IST1: variants seen among roughly 807,000 people sequenced by gnomAD.
IST1 encodes the protein IST1 factor associated with ESCRT-III, also known as IST1 homolog.
Under a neutral mutation model 37.0 loss-of-function variants are expected in IST1, and 23 were observed. The ratio of observed to expected loss-of-function variants is 0.62; its 90% CI spans 0.45 to 0.88. The LOEUF (loss-of-function observed/expected upper bound fraction) is 0.88, where lower values mean the gene tolerates loss of function less well. Among genes scored for constraint, IST1 ranks in the 40% least tolerant of loss-of-function variants. The probability of loss-of-function intolerance (pLI) is 0.00; values close to 1 mark genes in which losing one functional copy is unlikely to be tolerated. For missense variants in IST1, 488 were observed against 445.4 expected (o/e 1.10, Z -0.86); for synonymous variants, 180 against 161.7 (o/e 1.11, Z -0.86).
rs1367206192 is a variant in IST1 at position 71,928,708 on chromosome 16, A to G, written c.*895A>G. The G allele has an allele frequency of 1.3e-5, 2 of 152,540 alleles. No individual in the cohort carries two copies. The highest frequency in any genetic ancestry group is 3.9e-4 in the East Asian group (2 of 5,178). 9.4% of individuals were successfully genotyped at this position (152,540 alleles called of 1,614,324 possible). ...GAGGGGTACCTGTTTTCATTTGAAA[A>G]CTTTGATTCATGGAACCTTTAAAAC... is the stretch of plus-strand genomic sequence containing the variant. On this transcript the variant is annotated 3_prime_UTR_variant, in exon 10 of 10. Transcript: ENST00000378799.
chr16:71,905,055 A>T (rs1229996510), intron 1 of IST1, among the ~76,000 whole-genome samples: 3 of 149,370 alleles, frequency 2.0e-5, no homozygotes, highest in African/African-American at 4.9e-5. Flanking sequence ...TTGTTTTTTG[A>T]GATGGAGTCT....
intron 8 of IST1, chr16:71,924,144 G>A (rs772643576): frequency 2.0e-5 from 9 of 455,798 alleles, no homozygotes; most frequent in Admixed American, 4.7e-5. Context: ...TTTTGCATGC[G>A]TCACATAACC....
In IST1 at chr16:71,929,370, TA is replaced by T; in HGVS notation, c.*1559del. On this transcript the variant is annotated 3_prime_UTR_variant, in exon 10 of 10. Coordinates refer to ENST00000378799, the MANE Select transcript of IST1 (RefSeq NM_001270975.2). ...TTGTCTCGTAGTATTCTTGCATTGT[TA>T]ATCCTATCTTGACAGTGCCAAGATC... 1.6e-6 allele frequency: 1 copy of T among 635,530 alleles called. No individual in the cohort carries two copies. Among genetic ancestry groups the T allele is most frequent in the Admixed American group, 3.6e-5 (1 of 27,730 alleles). The allele number at this position is 635,530 out of a possible 1,614,324, so 39.4% of individuals were successfully genotyped here.
intron 8 of IST1, 104 bp downstream of exon 8, chr16:71,923,484 ACT>A (rs1238968619): frequency 4.7e-6 from 3 of 637,306 alleles, no homozygotes; most frequent in Non-Finnish European, 5.5e-6. Flanking sequence ...AACTCCTAGT[ACT>A]GTCATCATTT....
Position 71,927,783 on chromosome 16 carries a change from G to C in IST1, c.1071G>C (p.Arg357=). 1 of 1,614,058 alleles carries C rather than the reference G, an allele frequency of 6.2e-7. No individual in the cohort carries two copies. The highest frequency in any genetic ancestry group is 8.5e-7 in the Non-Finnish European group (1 of 1,179,964). The part of the protein sequence containing the change: ...SEDIDFDDLS[R]RFEELKKKT ...ACATTGACTTTGATGATCTTTCCCG[G>C]AGGTTTGAAGAGCTGAAAAAGAAAA... Residue 357 remains arginine (R), a synonymous_variant, in exon 10 of 10, where the codon CGG becomes CGC. Transcript: ENST00000378799.
chr16:71,901,860 C>G (rs1346739051), intron 1 of IST1, among the ~76,000 whole-genome samples: 1 of 152,174 alleles, frequency 6.6e-6, no homozygotes, highest in Non-Finnish European at 1.5e-5. Context: ...GTGTGGGTGA[C>G]ATACCGTTCT....
At chr16:71,926,991 C>T (rs1307833040) in intron 9 of IST1, among the ~76,000 whole-genome samples, 1 of 152,110 alleles carries the variant, frequency 6.6e-6, no homozygotes, top group East Asian at 1.9e-4. Context: ...AGTGTTTGTT[C>T]TATCAGAATC....
chr16:71,901,072 G>A (rs1348132840), intron 1 of IST1, among the ~76,000 whole-genome samples: 1 of 152,140 alleles, frequency 6.6e-6, no homozygotes, highest in Non-Finnish European at 1.5e-5. Context: ...AATAGTAAAT[G>A]TTGACTAGAA....
chr16:71,921,514 CAAA>C, intron 6 of IST1, 61 bp downstream of exon 6: 5 of 899,782 alleles, frequency 5.6e-6, no homozygotes, highest in Non-Finnish European at 8.4e-6. Context: ...CTTTGGAAAA[CAAA>C]AAAAACATTC....
Position 71,924,867 on chromosome 16 carries a change from C to CTGTTTTCTCATTAT in IST1, c.901+55_901+68dup, listed in dbSNP as rs1567474954. 4.7e-6 allele frequency: 6 copies of CTGTTTTCTCATTAT among 1,276,888 alleles called. No individual in the cohort carries two copies. In the South Asian group the frequency reaches 7.1e-5, roughly 15 times the overall value. The allele number at this position is 1,276,888 out of a possible 1,614,324, so 79.1% of individuals were successfully genotyped here. A position where few individuals can be genotyped will look rare whatever the true frequency, so the allele number is the denominator to read the frequency against. On this transcript the variant is annotated intron_variant, in intron 9 of 9. Transcript: ENST00000378799. ...GCAGAGCTCAGTGCTGAACCCTCTG[C>CTGTTTTCTCATTAT]TGTTTTCTCATTATTGTTCCTCCCT... is the stretch of plus-strand genomic sequence containing the variant.
intron 4 of IST1, among the ~76,000 whole-genome samples, chr16:71,917,859 A>G (rs1396013952): frequency 6.6e-6 from 1 of 151,946 alleles, no homozygotes; most frequent in Non-Finnish European, 1.5e-5. Flanking sequence ...GATATTAATT[A>G]TGGTTTATTT....
rs1193800902 is a variant in IST1 at position 71,929,545 on chromosome 16, AG to A, written c.*1733del. On this transcript the variant is annotated 3_prime_UTR_variant, in exon 10 of 10. Coordinates refer to ENST00000378799, the MANE Select transcript of IST1 (RefSeq NM_001270975.2). ...AAGTAGGAGATAACAGGATTAAGGTAGTTCATCTAAAACTTCAGTGTCACTG... is the reference window on the plus strand; with the variant it reads ...AAGTAGGAGATAACAGGATTAAGGTATTCATCTAAAACTTCAGTGTCACTG... 5.2e-6 allele frequency: 8 copies of A among 1,550,608 alleles called. No individual in the cohort carries two copies. In the East Asian group the frequency reaches 2.0e-4, roughly 38 times the overall value.
In IST1 at chr16:71,919,540, C is replaced by T. The variant is rs371018887; in HGVS notation, c.358-1199C>T. Reference sequence around the variant, plus strand: ...TAGCTGAGACAAGAGGTGCGTGCCACCATGCCCAGCTAATTTTTGTATCTT... The same window carrying T: ...TAGCTGAGACAAGAGGTGCGTGCCATCATGCCCAGCTAATTTTTGTATCTT... On this transcript the variant is annotated intron_variant, in intron 4 of 9. Coordinates refer to ENST00000378799, the MANE Select transcript of IST1 (RefSeq NM_001270975.2). 1.6e-4 allele frequency among the ~76,000 whole-genome samples: 24 copies of T among 152,338 alleles called. 1 individual carries two copies. Among genetic ancestry groups the T allele is most frequent in the Admixed American group, 9.8e-4 (15 of 15,298 alleles).
intron 1 of IST1, among the ~76,000 whole-genome samples, chr16:71,905,509 G>A (rs1597236851): frequency 6.6e-6 from 1 of 151,476 alleles, no homozygotes; most frequent in South Asian, 2.1e-4. Context: ...CTCCCTAGTA[G>A]CTGGGATTAC....
chr16:71,914,161 G>A (rs1395141718), intron 1 of IST1, among the ~76,000 whole-genome samples: 1 of 150,314 alleles, frequency 6.7e-6, no homozygotes, highest in African/African-American at 2.4e-5. Flanking sequence ...TTGAGGACAG[G>A]GGTTGTACCT....
chr16:71,899,264 C>T (rs2037048301), intron 1 of IST1, among the ~76,000 whole-genome samples: 1 of 151,984 alleles, frequency 6.6e-6, no homozygotes, highest in South Asian at 2.1e-4. Flanking sequence ...CTTTGTGCCA[C>T]TTGTACATGT....
At chr16:71,915,781 C>G (rs1317819516) in intron 2 of IST1, 53 bp downstream of exon 2, 27 of 1,091,140 alleles carry the variant, frequency 2.5e-5, no homozygotes, top group Non-Finnish European at 3.8e-5. Context: ...ACTAGCACCC[C>G]AGTAATGGGT....
intron 8 of IST1, 57 bp from the exon 9 acceptor site, chr16:71,924,712 G>C: frequency 7.5e-7 from 1 of 1,329,894 alleles, no homozygotes; most frequent in African/African-American, 1.4e-5. Context: ...GCTTACACCA[G>C]TACTTTCTCC....
chr16:71,897,820 C>G (rs1351283135), intron 1 of IST1, among the ~76,000 whole-genome samples: 1 of 152,002 alleles, frequency 6.6e-6, no homozygotes, highest in African/African-American at 2.4e-5. Context: ...TTGGTGTGGC[C>G]TGTAGTCCCA....
Sources: allele counts gnomAD v4.1 joint callset (sites outside exome capture counted in the v4.1 genomes callset), GRCh38; gene constraint gnomAD v4.1.1; transcripts MANE v1.5; gene names NCBI Gene and HGNC (gene_info 2026-07-23, HGNC 2026-07-21).